Variants in ZFYVE9 observed in about 807,000 individuals in gnomAD.
ZFYVE9 encodes zinc finger FYVE-type containing 9.
A neutral mutation model predicts 126.7 loss-of-function variants in ZFYVE9; 43 were observed. The ratio of observed to expected loss-of-function variants is 0.34; its 90% CI spans 0.27 to 0.44. The LOEUF is 0.44. ZFYVE9 is among the 20% of genes least tolerant of loss of function. ZFYVE9 has a pLI of 1.00. For missense variants in ZFYVE9, 1,476 were observed against 1,697.0 expected, an observed-to-expected ratio of 0.87 and a Z score of 2.29; for synonymous variants, 521 against 597.4, an observed-to-expected ratio of 0.87 and a Z score of 1.87.
chr1:52,254,470 G>T (rs1051863784), intron 4 of ZFYVE9, among the ~76,000 whole-genome samples: 1 of 151,312 alleles, frequency 6.6e-6, no homozygotes, highest in African/African-American at 2.4e-5. Flanking sequence ...CAGGCAGATC[G>T]CTTGAGCCCA....
At chr1:52,173,554 T>C (rs139462646) in intron 1 of ZFYVE9, among the ~76,000 whole-genome samples, 2,252 of 152,306 alleles carry the variant, frequency 0.015, 72 homozygotes, top group African/African-American at 0.052. Context: ...TTTCTGTTGA[T>C]TGGAATAGTT....
chr1:52,166,371 G>A (rs1046600152), intron 1 of ZFYVE9, among the ~76,000 whole-genome samples: 4 of 152,186 alleles, frequency 2.6e-5, no homozygotes, highest in Non-Finnish European at 4.4e-5. Flanking sequence ...AACCACTGGA[G>A]TAATCTGAAC....
intron 4 of ZFYVE9, among the ~76,000 whole-genome samples, chr1:52,258,601 A>G (rs575370565): frequency 2.8e-4 from 42 of 152,332 alleles, no homozygotes; most frequent in African/African-American, 9.6e-4. Flanking sequence ...AAAATTGACT[A>G]TTATCCAGTA....
chr1:52,302,978 C>T lies in ZFYVE9; in HGVS notation c.3334-843C>T, dbSNP rs116294021. Among the ~76,000 whole-genome samples the T allele has an allele frequency of 3.0e-3, 447 of 150,964 alleles. 2 individuals carry two copies. The highest frequency in any genetic ancestry group is 0.01 in the African/African-American group (426 of 41,030). On this transcript the variant is annotated intron_variant, in intron 12 of 18. Coordinates refer to ENST00000287727, the MANE Select transcript of ZFYVE9 (RefSeq NM_004799.4). ...TACAAAAATTAGCCGAGCATGGTGA[C>T]GCACATATGTAATCCCAGCTACTTG... is the stretch of plus-strand genomic sequence containing the variant.
chr1:52,302,171 T>C (rs1646042168), intron 12 of ZFYVE9, among the ~76,000 whole-genome samples: 2 of 152,228 alleles, frequency 1.3e-5, no homozygotes, highest in Non-Finnish European at 2.9e-5. Context: ...TTGAGTTGTA[T>C]TTTCCTGCTT....
intron 1 of ZFYVE9, among the ~76,000 whole-genome samples, chr1:52,201,370 G>C (rs980586788): frequency 2.3e-5 from 3 of 133,174 alleles, no homozygotes; most frequent in African/African-American, 7.8e-5. Flanking sequence ...GAGGGTTTTT[G>C]GTAATTTTTT....
chr1:52,329,860 G>C (rs147563918), intron 13 of ZFYVE9, among the ~76,000 whole-genome samples: 1 of 151,994 alleles, frequency 6.6e-6, no homozygotes, highest in Non-Finnish European at 1.5e-5. Flanking sequence ...AGCCTAGATC[G>C]CGCCACTGCA....
At chr1:52,185,860 C>A (rs1390386531) in intron 1 of ZFYVE9, among the ~76,000 whole-genome samples, 1 of 147,720 alleles carries the variant, frequency 6.8e-6, no homozygotes, top group East Asian at 2.0e-4. Flanking sequence ...GCAGAGGTTG[C>A]AGTGAGCCGA....
chr1:52,228,906 T>A (rs79864273), intron 2 of ZFYVE9, among the ~76,000 whole-genome samples: 2 of 151,560 alleles, frequency 1.3e-5, no homozygotes, highest in Admixed American at 1.3e-4. Flanking sequence ...TTTTTTTTTT[T>A]AAAGACGAGG....
chr1:52,329,520 G>A (rs1486995111), intron 13 of ZFYVE9, among the ~76,000 whole-genome samples: 1 of 152,154 alleles, frequency 6.6e-6, no homozygotes, highest in East Asian at 1.9e-4. Flanking sequence ...GAAATTTTGT[G>A]CATCCAAGGA....
At position 52,321,540 on chromosome 1, in the gene ZFYVE9, A is replaced by G. The variant is rs547442563; in HGVS notation, c.3439-11228A>G. Reference sequence around the variant, plus strand: ...CTCAAGAAGAAGCCCATGATACTGTACCTCCACTGACTGCAAGAGGAGGCC... The same window carrying G: ...CTCAAGAAGAAGCCCATGATACTGTGCCTCCACTGACTGCAAGAGGAGGCC... On this transcript the variant is annotated intron_variant, in intron 13 of 18. Transcript: ENST00000287727. Among the ~76,000 whole-genome samples, 4 of 152,306 alleles carry G rather than the reference A, an allele frequency of 2.6e-5. No homozygotes were observed. The East Asian group carries it at 7.7e-4, about 29-fold the overall frequency.
intron 9 of ZFYVE9, among the ~76,000 whole-genome samples, chr1:52,281,135 CTTT>C (rs539866378): frequency 7.3e-6 from 1 of 137,212 alleles, no homozygotes; most frequent in Non-Finnish European, 1.6e-5. Flanking sequence ...CTTTTCTTTT[CTTT>C]TTTTTTTTTT....
intron 2 of ZFYVE9, among the ~76,000 whole-genome samples, chr1:52,229,250 T>C (rs1010930269): frequency 1.3e-5 from 2 of 152,222 alleles, no homozygotes; most frequent in African/African-American, 4.8e-5. Context: ...CATGATTAAA[T>C]CGGCTAAATG....
chr1:52,286,411 T>C (rs912614195), intron 10 of ZFYVE9, among the ~76,000 whole-genome samples: 12 of 152,240 alleles, frequency 7.9e-5, no homozygotes, highest in African/African-American at 2.9e-4. Flanking sequence ...TATATCTATA[T>C]ATGTGTGTGT....
At chr1:52,156,738 A>G (rs541159820) in intron 1 of ZFYVE9, among the ~76,000 whole-genome samples, 10 of 152,214 alleles carry the variant, frequency 6.6e-5, no homozygotes, top group East Asian at 1.9e-4. Flanking sequence ...TAGGGCCACA[A>G]TGATGCTCCA....
At chr1:52,319,188 A>G (rs1318290464) in intron 13 of ZFYVE9, among the ~76,000 whole-genome samples, 2 of 152,222 alleles carry the variant, frequency 1.3e-5, no homozygotes, top group Non-Finnish European at 2.9e-5. Context: ...ACTACAAAAT[A>G]TTGTTACGAG....
At chr1:52,255,981 T>TTTCCTTCC (rs772190432) in intron 4 of ZFYVE9, among the ~76,000 whole-genome samples, 162 of 115,600 alleles carry the variant, frequency 1.4e-3, no homozygotes, top group African/African-American at 2.1e-3. Flanking sequence ...TCTTTCTTTC[T>TTTCCTTCC]TTCCTTCCTT....
At chr1:52,321,530 A>G (rs527955860) in intron 13 of ZFYVE9, among the ~76,000 whole-genome samples, 18 of 152,360 alleles carry the variant, frequency 1.2e-4, no homozygotes, top group South Asian at 2.1e-4. Flanking sequence ...GAAGAAGCCC[A>G]TGATACTGTA....
rs533615389 is a variant in ZFYVE9, at chr1:52,269,350, C to T, written c.2625+718C>T. On this transcript the variant is annotated intron_variant, in intron 7 of 18. Coordinates refer to ENST00000287727, the MANE Select transcript of ZFYVE9 (RefSeq NM_004799.4). ...TCACCATGTTGCCCAGGCTGCGTCT[C>T]GAACTCCTGACCTCAAGTGATCCAC... Among the ~76,000 whole-genome samples the T allele has an allele frequency of 4.9e-4, 74 of 152,066 alleles. No homozygotes were observed. In the East Asian group the frequency reaches 0.014, roughly 28 times the overall value.
Sources: allele counts gnomAD v4.1 joint callset (sites outside exome capture counted in the v4.1 genomes callset), GRCh38; gene constraint gnomAD v4.1.1; transcripts MANE v1.5; gene names NCBI Gene and HGNC (gene_info 2026-07-23, HGNC 2026-07-21).